Variants in GCSAML observed in about 807,000 individuals in gnomAD.
GCSAML encodes the protein germinal center associated signaling and motility like.
GCSAML carries 9 observed loss-of-function variants against 13.0 expected under a neutral mutation model. The observed-to-expected ratio is 0.69, with a 90% confidence interval of 0.42 to 1.21. The LOEUF (loss-of-function observed/expected upper bound fraction) is 1.21. Among genes scored for constraint, GCSAML ranks in the 50% most tolerant of loss-of-function variants. The pLI, the probability that GCSAML is intolerant of heterozygous loss-of-function variation, is 0.00. For missense variants in GCSAML, 143 were observed against 153.4 expected (o/e 0.93, Z 0.36); for synonymous variants, 37 against 52.9 (o/e 0.70, Z 1.31).
intron 1 of GCSAML, among the ~76,000 whole-genome samples, chr1:247,553,234 C>G (rs2103040537): frequency 6.6e-6 from 1 of 152,056 alleles, no homozygotes; most frequent in South Asian, 2.1e-4. Context: ...TTTTTCCTAG[C>G]CTGTTATTGT....
Position 247,527,245 on chromosome 1 carries a change from C to A in GCSAML, c.-148+191C>A. 2.7e-6 allele frequency: 1 copy of A among 375,462 alleles called. No individual in the cohort carries two copies. 23.3% of individuals were successfully genotyped at this position (375,462 alleles called of 1,614,324 possible). ...AACAGGGGCTGATGGATGGTCAGGG[C>A]AAAGCACAGTGCTGTCCTCATGGTT... On this transcript the variant is annotated intron_variant, in intron 2 of 5. Coordinates refer to the GCSAML transcript ENST00000366489. This position sits in a 1 kb window ranked among gnomAD's most constrained non-coding sequence, Gnocchi z 4.6.
At chr1:247,530,039 G>T (rs937021391) in intron 2 of GCSAML, 1 of 104,184 alleles carries the variant, frequency 9.6e-6, no homozygotes, top group Non-Finnish European at 2.2e-5. Flanking sequence ...CCCCCTCAGG[G>T]TGTGTGTGTG....
chr1:247,532,656 T>C (rs6697675), intron 2 of GCSAML: 775,758 of 780,816 alleles, frequency 0.99, 385,489 homozygotes, highest in East Asian at 1. Context: ...GAGACACAAT[T>C]TCACTGTGTT....
At chr1:247,510,132 TG>T (rs1665979184) in intron 1 of GCSAML, among the ~76,000 whole-genome samples, 1 of 152,192 alleles carries the variant, frequency 6.6e-6, no homozygotes, top group African/African-American at 2.4e-5. Flanking sequence ...CATCTGGTCC[TG>T]GGCTTTTTTT....
At chr1:247,510,051 T>C (rs1343608083) in intron 1 of GCSAML, among the ~76,000 whole-genome samples, 2 of 152,248 alleles carry the variant, frequency 1.3e-5, no homozygotes, top group Non-Finnish European at 1.5e-5. Context: ...CTTTTTCTAC[T>C]GTTTGGAATA....
At chr1:247,543,943 G>A (rs192598399) in intron 2 of GCSAML, among the ~76,000 whole-genome samples, 173 of 152,152 alleles carry the variant, frequency 1.1e-3, no homozygotes, top group African/African-American at 4.1e-3. Context: ...ACAAGTGTGC[G>A]TCACCCTGGT....
In GCSAML at chr1:247,574,261, C is replaced by T. The variant is rs139001178; in HGVS notation, c.287C>T (p.Thr96Ile). The T allele has an allele frequency of 1.9e-6, 3 of 1,613,986 alleles. No individual in the cohort carries two copies. Among genetic ancestry groups the T allele is most frequent in the African/African-American group, 1.3e-5 (1 of 74,914 alleles). Reference protein sequence around the residue: ...DDGYENIDSLTRKVRQFRERS... With the variant: ...DDGYENIDSLIRKVRQFRERS... ...GGCTATGAGAACATTGACTCCCTCACAAGGAAAGTGAGACAGTTTAGAGAA... is the reference window on the plus strand; with the variant it reads ...GGCTATGAGAACATTGACTCCCTCATAAGGAAAGTGAGACAGTTTAGAGAA... The change falls in exon 5 of 5, where the codon ACA becomes ATA. Residue 96 changes from threonine (T) to isoleucine (I), a missense_variant. By Grantham distance (89) the Thr-to-Ile change is moderately conservative. Coordinates refer to ENST00000366488, the MANE Select transcript of GCSAML (RefSeq NM_145278.5).
At chr1:247,511,549 C>T (rs1666037652) in intron 1 of GCSAML, among the ~76,000 whole-genome samples, 1 of 152,256 alleles carries the variant, frequency 6.6e-6, no homozygotes, top group Non-Finnish European at 1.5e-5. Flanking sequence ...TGAATTTGAT[C>T]CTGTCATTAT....
Position 247,526,238 on chromosome 1 carries a change from A to G in GCSAML, c.-262-702A>G, listed in dbSNP as rs1343755844. ...TTCTGAATTCTTGCATTCCTTTCTTACCATGAGAAGCTTGCCATGTTGAGG... is the reference window on the plus strand; with the variant it reads ...TTCTGAATTCTTGCATTCCTTTCTTGCCATGAGAAGCTTGCCATGTTGAGG... On this transcript the variant is annotated intron_variant, in intron 1 of 5. Coordinates refer to the GCSAML transcript ENST00000366489. The surrounding 1 kb of genome is among the most constrained non-coding windows in gnomAD (Gnocchi z 4.8). The G allele has an allele frequency of 6.6e-6, 1 of 152,180 alleles. No homozygotes were observed. The highest frequency in any genetic ancestry group is 2.4e-5 in the African/African-American group (1 of 41,438). 9.4% of individuals were successfully genotyped at this position (152,180 alleles called of 1,614,324 possible).
At chr1:247,563,675 GA>G (rs1668225160) in intron 3 of GCSAML, 36 bp downstream of exon 3, 2 of 1,266,338 alleles carry the variant, frequency 1.6e-6, no homozygotes, top group Non-Finnish European at 1.1e-6. Flanking sequence ...TCATAGTAGG[GA>G]AGTGCAAATT....
chr1:247,565,905 T>C (rs1668333163), intron 3 of GCSAML, 26 bp from the exon 4 acceptor site: 5 of 161,894 alleles, frequency 3.1e-5, no homozygotes, highest in Non-Finnish European at 4.8e-5. Flanking sequence ...CCTTTCTTTC[T>C]TTTTTTTTTT....
chr1:247,515,482 G>C (rs1379100909), intron 1 of GCSAML, among the ~76,000 whole-genome samples: 3 of 152,216 alleles, frequency 2.0e-5, no homozygotes, highest in African/African-American at 7.2e-5. Flanking sequence ...AGGTCCAACA[G>C]CTTCCTGTGT....
intron 1 of GCSAML, among the ~76,000 whole-genome samples, chr1:247,515,347 C>T (rs1423181173): frequency 6.6e-6 from 1 of 152,148 alleles, no homozygotes; most frequent in Non-Finnish European, 1.5e-5. Context: ...TGTTGCACTG[C>T]AACAGTAACT....
intron 1 of GCSAML, among the ~76,000 whole-genome samples, chr1:247,522,014 C>T (rs1196016833): frequency 1.9e-4 from 29 of 151,688 alleles, no homozygotes; most frequent in Admixed American, 2.6e-4. Flanking sequence ...ATGTGAGGAG[C>T]GCCTCTGCCC....
At position 247,568,192 on chromosome 1, in the gene GCSAML, G is replaced by T. The variant is rs1403139896; in HGVS notation, c.168+2233G>T. Among the ~76,000 whole-genome samples, 6 of 152,214 alleles carry T rather than the reference G, an allele frequency of 3.9e-5. No individual in the cohort carries two copies. The East Asian group carries it at 5.8e-4, about 15-fold the overall frequency. ...CCTTTAGTTTAATTTGATCCCATTT[G>T]TCAATTTTGGCTTCTGTTGCAATTG... On this transcript the variant is annotated intron_variant, in intron 4 of 4. Transcript: ENST00000366488.
intron 2 of GCSAML, among the ~76,000 whole-genome samples, chr1:247,541,818 T>C (rs1192565514): frequency 6.6e-6 from 1 of 152,018 alleles, no homozygotes; most frequent in African/African-American, 2.4e-5. Flanking sequence ...GAGACTAGCC[T>C]GCCCAACATG....
chr1:247,543,381 C>T (rs1667469822), intron 2 of GCSAML, among the ~76,000 whole-genome samples: 1 of 152,056 alleles, frequency 6.6e-6, no homozygotes, highest in African/African-American at 2.4e-5. Context: ...TATAATTGTT[C>T]TATTTTTTAT....
intron 2 of GCSAML, among the ~76,000 whole-genome samples, chr1:247,560,645 T>C (rs897870104): frequency 2.0e-5 from 3 of 152,206 alleles, no homozygotes; most frequent in African/African-American, 7.2e-5. Flanking sequence ...ATTGTACATA[T>C]TGAAGGTACA....
chr1:247,572,426 C>T (rs1165850419), intron 4 of GCSAML, among the ~76,000 whole-genome samples: 1 of 152,176 alleles, frequency 6.6e-6, no homozygotes, highest in Non-Finnish European at 1.5e-5. Flanking sequence ...CTATTGCTTT[C>T]TGTTTGTTAG....
Sources: gnomAD v4.1 joint callset for allele counts (sites outside exome capture counted in the v4.1 genomes callset) on GRCh38, gnomAD v4.1.1 for gene constraint, Gnocchi (gnomAD v3.1) non-coding constraint, MANE v1.5 for transcripts, NCBI Gene and HGNC (gene_info 2026-07-23, HGNC 2026-07-21) for gene names.